Variants in FNIP2 observed in about 807,000 individuals in gnomAD.
The protein encoded by FNIP2 is folliculin-interacting protein 2.
FNIP2 carries 32 observed loss-of-function variants against 108.7 expected under a neutral mutation model. The ratio of observed to expected loss-of-function variants is 0.29; its 90% CI spans 0.22 to 0.40. FNIP2 has a LOEUF of 0.40. Ranked by LOEUF, FNIP2 falls within the 10% of genes least tolerant of loss-of-function variation. The pLI, the probability that FNIP2 is intolerant of heterozygous loss-of-function variation, is 1.00. For synonymous variants in FNIP2, 480 were observed against 496.7 expected (o/e 0.97, Z 0.45); for missense variants, 1,202 against 1,381.6 (o/e 0.87, Z 2.06).
intron 7 of FNIP2, among the ~76,000 whole-genome samples, chr4:158,846,079 T>G (rs1404289615): frequency 6.6e-6 from 1 of 152,214 alleles, no homozygotes; most frequent in African/African-American, 2.4e-5. Flanking sequence ...CGAGAATGAT[T>G]AGAAGGAGTG....
chr4:158,837,413 G>A (rs1490519453), intron 7 of FNIP2, among the ~76,000 whole-genome samples: 2 of 152,132 alleles, frequency 1.3e-5, no homozygotes, highest in African/African-American at 4.8e-5. Flanking sequence ...TTGTTGTGGA[G>A]AAAAGATTCA....
intron 3 of FNIP2, among the ~76,000 whole-genome samples, chr4:158,830,310 C>T (rs562692965): frequency 3.0e-5 from 4 of 132,458 alleles, no homozygotes; most frequent in East Asian, 2.2e-4. Context: ...GGCCGGACTG[C>T]GGACTGCAGT....
At chr4:158,898,731 T>G (rs1480296137) in intron 16 of FNIP2, among the ~76,000 whole-genome samples, 4 of 152,216 alleles carry the variant, frequency 2.6e-5, no homozygotes, top group African/African-American at 9.6e-5. Context: ...AAGGAGATTT[T>G]GGGCTGAAAT....
chr4:158,808,874 G>A (rs1407908403), intron 1 of FNIP2, among the ~76,000 whole-genome samples: 2 of 152,140 alleles, frequency 1.3e-5, no homozygotes, highest in Non-Finnish European at 2.9e-5. Flanking sequence ...CACAATTACA[G>A]TAGAATCACG....
In FNIP2 at chr4:158,869,035, G is replaced by A; in HGVS notation, c.2399G>A (p.Gly800Asp). 1 of 1,614,028 alleles carries A rather than the reference G, an allele frequency of 6.2e-7. No homozygotes were observed. The highest frequency in any genetic ancestry group is 1.1e-5 in the South Asian group (1 of 91,084). The part of the protein sequence containing the change: ...ESDKGFAEDR[G>D]SRNDMAADIA... The stretch of plus-strand genomic sequence containing the variant: ...GACAAGGGTTTTGCAGAGGACAGAG[G>A]CAGCAGAAACGACATGGCAGCAGAT... The change falls in exon 13 of 17, where the codon GGC becomes GAC. Residue 800 changes from glycine (G) to aspartate (D), a missense_variant. Physicochemically the swap from Gly to Asp is moderately conservative, Grantham distance 94. Transcript: ENST00000264433.
intron 1 of FNIP2, among the ~76,000 whole-genome samples, chr4:158,797,058 TCTC>T (rs757070141): frequency 6.6e-6 from 1 of 152,208 alleles, no homozygotes; most frequent in Non-Finnish European, 1.5e-5. Flanking sequence ...AGCTTTCTCT[TCTC>T]CTAAATTGAT....
chr4:158,893,677 C>T, intron 15 of FNIP2: 4 of 1,583,866 alleles, frequency 2.5e-6, no homozygotes, highest in Non-Finnish European at 3.4e-6. Context: ...CTTCTAAAAG[C>T]AGGTTGAGTT....
Position 158,846,946 on chromosome 4 carries a change from G to C in FNIP2, c.728-4375G>C, listed in dbSNP as rs193168020. Among the ~76,000 whole-genome samples, 35 of 152,270 alleles carry C rather than the reference G, an allele frequency of 2.3e-4. No individual in the cohort carries two copies. The East Asian group carries it at 6.6e-3, about 29-fold the overall frequency. ...GCCACCCCTCCCCAATCCCCTGGACGTGTGGTGCAGAAAGGGAATCTGTGC... is the reference window on the plus strand; with the variant it reads ...GCCACCCCTCCCCAATCCCCTGGACCTGTGGTGCAGAAAGGGAATCTGTGC... On this transcript the variant is annotated intron_variant, in intron 7 of 16. Transcript: ENST00000264433.
At chr4:158,832,001 G>T (rs767094237) in intron 4 of FNIP2, 40 bp downstream of exon 4, 1 of 1,599,802 alleles carries the variant, frequency 6.3e-7, no homozygotes, top group Non-Finnish European at 8.6e-7. Context: ...TTGAGAAGTG[G>T]AACGGTGGTA....
intron 15 of FNIP2, chr4:158,893,826 G>T: frequency 1.4e-6 from 1 of 690,102 alleles, no homozygotes; most frequent in Non-Finnish European, 2.4e-6. Context: ...TTGATATCTT[G>T]GTTATCAAAG....
At position 158,868,558 on chromosome 4, in the gene FNIP2, C is replaced by A; in HGVS notation, c.1922C>A (p.Ser641Tyr). Residue 641 changes from serine to tyrosine, a missense_variant, in exon 13 of 17, where the codon TCC becomes TAC. Ser to Tyr is a moderately radical substitution (Grantham distance 144). Coordinates refer to ENST00000264433, the MANE Select transcript of FNIP2 (RefSeq NM_020840.3). This position sits in a 1 kb window ranked among gnomAD's most constrained non-coding sequence, Gnocchi z 4.6. ...AGCLGPASDA[S>Y]WKPQNAFCGD... is the part of the protein sequence containing the mutation. ...TGCCTGGGGCCAGCATCAGACGCTT[C>A]CTGGAAACCTCAGAATGCATTTTGT... The A allele has an allele frequency of 1.2e-6, 2 of 1,613,484 alleles. No homozygotes were observed. Among genetic ancestry groups the A allele is most frequent in the Non-Finnish European group, 1.7e-6 (2 of 1,179,652 alleles).
intron 1 of FNIP2, among the ~76,000 whole-genome samples, chr4:158,799,182 A>G (rs1379379925): frequency 6.6e-6 from 1 of 152,216 alleles, no homozygotes; most frequent in African/African-American, 2.4e-5. Flanking sequence ...ACAGCATTTT[A>G]GGGGACTGGA....
intron 1 of FNIP2, among the ~76,000 whole-genome samples, chr4:158,786,570 A>C (rs909621966): frequency 3.3e-5 from 5 of 152,226 alleles, no homozygotes; most frequent in Admixed American, 3.3e-4. Context: ...GTCAGTTCTG[A>C]AATAAATGAA....
At chr4:158,875,533 T>TATATAC (rs1181130535) in intron 14 of FNIP2, among the ~76,000 whole-genome samples, 1 of 103,898 alleles carries the variant, frequency 9.6e-6, no homozygotes, top group East Asian at 2.1e-4. Flanking sequence ...TATATATATA[T>TATATAC]ATATATATGC....
intron 1 of FNIP2, among the ~76,000 whole-genome samples, chr4:158,795,012 T>C (rs1265391645): frequency 6.6e-6 from 1 of 152,220 alleles, no homozygotes; most frequent in Non-Finnish European, 1.5e-5. Context: ...TCCTCTATCA[T>C]AAATAAAATG....
At position 158,868,027 on chromosome 4, in the gene FNIP2, T is replaced by G; in HGVS notation, c.1466-75T>G. ...TGGGAATATAAGTTATCTGTTTTGC[T>G]CTTGTAAAGACGGATATATCTGTGA... On this transcript the variant is annotated intron_variant, in intron 12 of 16. Transcript: ENST00000264433. The surrounding 1 kb of genome is among the most constrained non-coding windows in gnomAD (Gnocchi z 4.6). 1 of 1,552,420 alleles carries G rather than the reference T, an allele frequency of 6.4e-7. No homozygotes were observed. The highest frequency in any genetic ancestry group is 8.7e-7 in the Non-Finnish European group (1 of 1,146,030).
At chr4:158,877,281 A>G (rs1781336435) in intron 14 of FNIP2, among the ~76,000 whole-genome samples, 1 of 152,180 alleles carries the variant, frequency 6.6e-6, no homozygotes. Flanking sequence ...TACACAGAAG[A>G]TCAGACATTT....
chr4:158,836,222 G>A (rs575044790), intron 7 of FNIP2: 1 of 152,264 alleles, frequency 6.6e-6, no homozygotes, highest in Admixed American at 6.5e-5. Context: ...TGCTCAGACT[G>A]GATGCAGGCC....
At chr4:158,775,890 C>T (rs1775846038) in intron 1 of FNIP2, among the ~76,000 whole-genome samples, 1 of 151,964 alleles carries the variant, frequency 6.6e-6, no homozygotes, top group South Asian at 2.1e-4. Context: ...GAACTGTGTG[C>T]CTTCATTTCT....
Sources: allele counts gnomAD v4.1 joint callset (sites outside exome capture counted in the v4.1 genomes callset), GRCh38; gene constraint gnomAD v4.1.1; non-coding constraint Gnocchi (gnomAD v3.1); transcripts MANE v1.5; gene names NCBI Gene and HGNC (gene_info 2026-07-23, HGNC 2026-07-21).